The following SPMIP4 variants were observed in gnomAD, a reference collection of about 807,000 sequenced individuals.
The protein encoded by SPMIP4 is sperm microtubule inner protein 4, also known as sperm-associated microtubule inner protein 4.
the SPMIP4 span, among the ~76,000 whole-genome samples, chr7:25,162,798 GTCTTGC>G: frequency 6.6e-6 from 1 of 151,910 alleles, no homozygotes; most frequent in African/African-American, 2.4e-5. Context: ...TTGAGATGGA[GTCTTGC>G]TCTGTTACCC....
At chr7:25,136,597 T>A in the SPMIP4 span, 2 of 1,614,198 alleles carry the variant, frequency 1.2e-6, no homozygotes, top group African/African-American at 2.7e-5. The surrounding 1 kb of genome is among the most constrained non-coding windows in gnomAD (Gnocchi z 5.7). Flanking sequence ...GGCTGGTATG[T>A]TATCACTAAG....
the SPMIP4 span, among the ~76,000 whole-genome samples, chr7:25,161,578 CTTTTT>C: frequency 6.9e-6 from 1 of 144,976 alleles, no homozygotes; most frequent in Non-Finnish European, 1.5e-5. Context: ...ATGTATTTTT[CTTTTT>C]TAAAATGTTA....
At chr7:25,162,832 C>T in the SPMIP4 span, among the ~76,000 whole-genome samples, 3 of 151,966 alleles carry the variant, frequency 2.0e-5, no homozygotes, top group African/African-American at 4.8e-5. Flanking sequence ...AGTGCAATGG[C>T]GTGATCTCAG....
At chr7:25,156,672 T>C in the SPMIP4 span, among the ~76,000 whole-genome samples, 1 of 152,130 alleles carries the variant, frequency 6.6e-6, no homozygotes, top group Non-Finnish European at 1.5e-5. Flanking sequence ...AGTCAGGGTT[T>C]CTGGGAGTTA....
the SPMIP4 span, among the ~76,000 whole-genome samples, chr7:25,175,456 G>GA: frequency 1.7e-4 from 26 of 150,760 alleles, no homozygotes; most frequent in Admixed American, 7.9e-4. Context: ...ATTGTGAAAA[G>GA]AAAAAAAAAG....
At chr7:25,126,317 A>G in the SPMIP4 span, among the ~76,000 whole-genome samples, 3 of 152,258 alleles carry the variant, frequency 2.0e-5, no homozygotes, top group East Asian at 5.8e-4. Context: ...AGCTGGGACT[A>G]CGGGAGCAAA....
At chr7:25,166,640 A>G in the SPMIP4 span, among the ~76,000 whole-genome samples, 4 of 151,994 alleles carry the variant, frequency 2.6e-5, no homozygotes, top group Admixed American at 2.6e-4. Flanking sequence ...TAATCCCAAC[A>G]CTTTGGGAGG....
At chr7:25,179,391 T>C in the SPMIP4 span, 1 of 1,466,416 alleles carries the variant, frequency 6.8e-7, no homozygotes, top group South Asian at 1.3e-5. Flanking sequence ...AGAAAACACA[T>C]TTTACACTGC....
At chr7:25,134,695 T>C in the SPMIP4 span, 1 of 985,716 alleles carries the variant, frequency 1.0e-6, no homozygotes, top group South Asian at 4.7e-5. Context: ...CCTCAAATTT[T>C]TATACTGGAG....
chr7:25,153,078 T>C, the SPMIP4 span, among the ~76,000 whole-genome samples: 1 of 152,018 alleles, frequency 6.6e-6, no homozygotes, highest in Non-Finnish European at 1.5e-5. Context: ...AGAATTAAAA[T>C]AAGTGGAAGA....
chr7:25,177,520 T>C, the SPMIP4 span, among the ~76,000 whole-genome samples: 1 of 152,006 alleles, frequency 6.6e-6, no homozygotes, highest in Admixed American at 6.6e-5. Flanking sequence ...ACAAAACAAG[T>C]AGACAACCAC....
the SPMIP4 span, chr7:25,142,140 G>T: frequency 2.7e-6 from 2 of 750,954 alleles, no homozygotes; most frequent in Non-Finnish European, 4.5e-6. Context: ...ATTTCCATTT[G>T]CTAACTTGGT....
At chr7:25,160,963 G>C in the SPMIP4 span, among the ~76,000 whole-genome samples, 1 of 152,000 alleles carries the variant, frequency 6.6e-6, no homozygotes, top group Non-Finnish European at 1.5e-5. Flanking sequence ...CTATTCATCA[G>C]CTCCTGTTTT....
the SPMIP4 span, among the ~76,000 whole-genome samples, chr7:25,154,367 T>C: frequency 6.6e-6 from 1 of 152,182 alleles, no homozygotes; most frequent in Non-Finnish European, 1.5e-5. Context: ...TCACTCTTTC[T>C]CCAGAGGTGG....
the SPMIP4 span, among the ~76,000 whole-genome samples, chr7:25,152,746 CTCT>C: frequency 0.012 from 1,526 of 128,630 alleles, 24 homozygotes; most frequent in Middle Eastern, 0.051. Context: ...TTCGTTGTCT[CTCT>C]TTTTTTTTTT....
At chr7:25,129,500 G>A in the SPMIP4 span, among the ~76,000 whole-genome samples, 2 of 152,284 alleles carry the variant, frequency 1.3e-5, no homozygotes, top group Non-Finnish European at 2.9e-5. Context: ...GGCCACTGCT[G>A]GGGGATGTGG....
At chr7:25,148,996 C>G in the SPMIP4 span, among the ~76,000 whole-genome samples, 1 of 152,206 alleles carries the variant, frequency 6.6e-6, no homozygotes, top group Non-Finnish European at 1.5e-5. Flanking sequence ...AGATTGGTTA[C>G]ACCTTAATGT....
the SPMIP4 span, among the ~76,000 whole-genome samples, chr7:25,154,543 C>G: frequency 6.6e-6 from 1 of 152,144 alleles, no homozygotes; most frequent in African/African-American, 2.4e-5. Flanking sequence ...AAGGACTGAA[C>G]AAACTACTCC....
the SPMIP4 span, among the ~76,000 whole-genome samples, chr7:25,146,886 A>G: frequency 9.9e-5 from 15 of 152,224 alleles, no homozygotes; most frequent in Admixed American, 9.8e-4. Context: ...TACATCCTAG[A>G]GACTATTCTC....
Sources: gnomAD v4.1 joint callset for allele counts (sites outside exome capture counted in the v4.1 genomes callset) on GRCh38, gnomAD v4.1.1 for gene constraint, Gnocchi (gnomAD v3.1) non-coding constraint, MANE v1.5 for transcripts, NCBI Gene and HGNC (gene_info 2026-07-23, HGNC 2026-07-21) for gene names.